MAP3K5: variants seen among roughly 807,000 people sequenced by gnomAD.
MAP3K5 encodes the protein mitogen-activated protein kinase kinase kinase 5, also known as ASK-1.
Under a neutral mutation model 158.7 loss-of-function variants are expected in MAP3K5, and 56 were observed. That is an observed-to-expected ratio of 0.35 (90% confidence interval 0.28 to 0.44). The LOEUF (loss-of-function observed/expected upper bound fraction) is 0.44. Among genes scored for constraint, MAP3K5 ranks in the 20% least tolerant of loss-of-function variants. The probability of loss-of-function intolerance (pLI) is 1.00; values close to 1 mark genes in which losing one functional copy is unlikely to be tolerated. For synonymous variants in MAP3K5, 579 were observed against 601.7 expected, an observed-to-expected ratio of 0.96 and a Z score of 0.55; for missense variants, 1,294 against 1,674.8, an observed-to-expected ratio of 0.77 and a Z score of 3.97.
chr6:136,583,794 A>G (rs1324006720), intron 23 of MAP3K5, 54 bp from the exon 24 acceptor site: 17 of 1,521,082 alleles, frequency 1.1e-5, no homozygotes, highest in Non-Finnish European at 1.0e-5. Context: ...TATACCTGCC[A>G]TGGTAATCCT....
intron 18 of MAP3K5, among the ~76,000 whole-genome samples, chr6:136,610,147 T>A (rs1323032798): frequency 6.6e-6 from 1 of 152,018 alleles, no homozygotes; most frequent in Non-Finnish European, 1.5e-5. Context: ...CCCTTTTTTT[T>A]TTCCTGCTAA....
At chr6:136,598,851 G>A (rs1775747227) in intron 21 of MAP3K5, among the ~76,000 whole-genome samples, 1 of 152,156 alleles carries the variant, frequency 6.6e-6, no homozygotes, top group South Asian at 2.1e-4. Flanking sequence ...ACATGAGGCA[G>A]GCCATTTCCT....
At chr6:136,654,677 C>G (rs182655279) in intron 10 of MAP3K5, among the ~76,000 whole-genome samples, 4 of 152,272 alleles carry the variant, frequency 2.6e-5, no homozygotes, top group Admixed American at 6.5e-5. Flanking sequence ...AACTCCCAAC[C>G]TCAGGTGATC....
chr6:136,709,131 T>G (rs991739080), intron 2 of MAP3K5, among the ~76,000 whole-genome samples: 3 of 152,222 alleles, frequency 2.0e-5, no homozygotes, highest in South Asian at 2.1e-4. Flanking sequence ...CCTATGATTC[T>G]CTCACCCTAC....
intron 1 of MAP3K5, among the ~76,000 whole-genome samples, chr6:136,732,324 C>T (rs1782263519): frequency 6.6e-6 from 1 of 152,132 alleles, no homozygotes; most frequent in Non-Finnish European, 1.5e-5. Flanking sequence ...ACTAGGGAGG[C>T]TGAGGCTGAA....
At chr6:136,620,016 T>A (rs1776733123) in intron 15 of MAP3K5, among the ~76,000 whole-genome samples, 1 of 152,172 alleles carries the variant, frequency 6.6e-6, no homozygotes, top group South Asian at 2.1e-4. Context: ...ACGCCTATAA[T>A]CCCAGCACTT....
At chr6:136,703,861 G>A (rs76749165) in intron 3 of MAP3K5, among the ~76,000 whole-genome samples, 2,839 of 152,194 alleles carry the variant, frequency 0.019, 88 homozygotes, top group African/African-American at 0.065. Context: ...TAATTTTGTC[G>A]TCTTAAATCA....
intron 1 of MAP3K5, among the ~76,000 whole-genome samples, chr6:136,770,335 T>C (rs1010824651): frequency 6.6e-6 from 1 of 152,180 alleles, no homozygotes; most frequent in Non-Finnish European, 1.5e-5. Context: ...GGTTAAATTA[T>C]CTTCAGTATA....
intron 7 of MAP3K5, among the ~76,000 whole-genome samples, chr6:136,678,760 C>G (rs2114580110): frequency 6.6e-6 from 1 of 151,148 alleles, no homozygotes; most frequent in South Asian, 2.1e-4. Flanking sequence ...GAGTCTCGCT[C>G]TGTCGTCCAG....
intron 1 of MAP3K5, among the ~76,000 whole-genome samples, chr6:136,782,550 C>A (rs1784662577): frequency 6.6e-6 from 1 of 152,104 alleles, no homozygotes; most frequent in African/African-American, 2.4e-5. Flanking sequence ...ATTGCCAGTA[C>A]AAAGGAATAT....
In MAP3K5 at chr6:136,673,226, C is replaced by T. The variant is rs112458734; in HGVS notation, c.1254-3831G>A. On this transcript the variant is annotated intron_variant, in intron 7 of 29. Transcript: ENST00000359015. The stretch of plus-strand genomic sequence containing the variant: ...TGAAAATGAAAACCCAGACCCAACC[C>T]GACTCAACTGCATTTGTTGAAGTAA... Among the ~76,000 whole-genome samples, 172 of 152,238 alleles carry T rather than the reference C, an allele frequency of 1.1e-3. 1 individual carries two copies. The highest frequency in any genetic ancestry group is 3.4e-3 in the African/African-American group (140 of 41,548).
chr6:136,577,000 C>T (rs1774651012), intron 25 of MAP3K5, among the ~76,000 whole-genome samples: 1 of 151,926 alleles, frequency 6.6e-6, no homozygotes, highest in Non-Finnish European at 1.5e-5. Flanking sequence ...TGTGTAAGTC[C>T]ACTCTAGGAT....
At chr6:136,718,948 G>A (rs1781640106) in intron 2 of MAP3K5, among the ~76,000 whole-genome samples, 1 of 152,128 alleles carries the variant, frequency 6.6e-6, no homozygotes, top group African/African-American at 2.4e-5. Flanking sequence ...GGCCAAGGTG[G>A]GAGAATCGCT....
At chr6:136,734,917 A>G (rs1174282334) in intron 1 of MAP3K5, among the ~76,000 whole-genome samples, 1 of 152,186 alleles carries the variant, frequency 6.6e-6, no homozygotes, top group Non-Finnish European at 1.5e-5. Context: ...AGGTTATAGG[A>G]GTTGATTTGT....
chr6:136,687,514 C>T (rs111509953), intron 7 of MAP3K5, among the ~76,000 whole-genome samples: 2,903 of 152,170 alleles, frequency 0.019, 94 homozygotes, highest in African/African-American at 0.066. Context: ...AAAATTTTTG[C>T]TATCTATCCA....
At chr6:136,781,180 G>C (rs1269821320) in intron 1 of MAP3K5, among the ~76,000 whole-genome samples, 1 of 152,212 alleles carries the variant, frequency 6.6e-6, no homozygotes, top group Non-Finnish European at 1.5e-5. Context: ...AGAAAGGCTA[G>C]TTTTGGTCTA....
intron 12 of MAP3K5, among the ~76,000 whole-genome samples, chr6:136,642,279 A>C (rs1249063622): frequency 6.6e-6 from 1 of 152,028 alleles, no homozygotes; most frequent in Non-Finnish European, 1.5e-5. Flanking sequence ...GTTCACATTG[A>C]CCCCACAGTT....
chr6:136,597,932 T>C (rs956470874), intron 21 of MAP3K5, among the ~76,000 whole-genome samples: 2 of 152,238 alleles, frequency 1.3e-5, no homozygotes, highest in African/African-American at 2.4e-5. Context: ...TAGTGTCTAA[T>C]AGCCACATAT....
chr6:136,771,993 C>CT (rs1291875502), intron 1 of MAP3K5, among the ~76,000 whole-genome samples: 1 of 151,782 alleles, frequency 6.6e-6, no homozygotes, highest in Non-Finnish European at 1.5e-5. Context: ...ACTGCAACCT[C>CT]TGCTTCCCAG....
Sources: allele counts gnomAD v4.1 joint callset (sites outside exome capture counted in the v4.1 genomes callset), GRCh38; gene constraint gnomAD v4.1.1; transcripts MANE v1.5; gene names NCBI Gene and HGNC (gene_info 2026-07-23, HGNC 2026-07-21).